HPSE2: variants seen among roughly 807,000 people sequenced by gnomAD.
HPSE2 encodes inactive heparanase-2.
In HPSE2, 38 loss-of-function variants were observed where a neutral mutation model predicts 60.5. The observed-to-expected ratio is 0.63, with a 90% confidence interval of 0.48 to 0.82. The LOEUF (loss-of-function observed/expected upper bound fraction) is 0.82, where lower values mean the gene tolerates loss of function less well. Among genes scored for constraint, HPSE2 ranks in the 40% least tolerant of loss-of-function variants. HPSE2 has a pLI of 0.00. For synonymous variants in HPSE2, 295 were observed against 293.2 expected (o/e 1.01, Z -0.06); for missense variants, 713 against 740.4 (o/e 0.96, Z 0.43).
chr10:99,310,292 G>A, the HPSE2 span, among the ~76,000 whole-genome samples: 1 of 152,076 alleles, frequency 6.6e-6, no homozygotes, highest in African/African-American at 2.4e-5. Context: ...ACATATCTTT[G>A]GGAGCCATTA....
rs547118777 is a variant in HPSE2, at chr10:99,130,097, A to C, written c.610+14141T>G. On this transcript the variant is annotated intron_variant, in intron 3 of 11. Coordinates refer to ENST00000370552, the MANE Select transcript of HPSE2 (RefSeq NM_021828.5). ...AAATCAGAAAGAAACAGAAACTCTA[A>C]ACAGACCAATAACAAGTAGTGAGAT... Among the ~76,000 whole-genome samples the C allele has an allele frequency of 2.0e-5, 3 of 152,262 alleles. No individual in the cohort carries two copies. In the East Asian group the frequency reaches 5.8e-4, roughly 29 times the overall value.
intron 3 of HPSE2, among the ~76,000 whole-genome samples, chr10:98,909,129 T>C (rs369688951): frequency 1.1e-4 from 16 of 152,282 alleles, no homozygotes; most frequent in African/African-American, 3.6e-4. Context: ...TTCCTGACGC[T>C]TGAAAGACAG....
At chr10:99,252,070 A>C in the HPSE2 span, among the ~76,000 whole-genome samples, 3 of 151,992 alleles carry the variant, frequency 2.0e-5, no homozygotes, top group African/African-American at 7.3e-5. Flanking sequence ...CAAAAAACAT[A>C]TGATCATCTC....
chr10:98,530,923 G>A lies in HPSE2; in HGVS notation c.1321-40727C>T, dbSNP rs74156630. Among the ~76,000 whole-genome samples the A allele has an allele frequency of 7.4e-3, 1,129 of 152,268 alleles. 16 individuals are homozygous for A. The highest frequency in any genetic ancestry group is 0.022 in the African/African-American group (924 of 41,562). On this transcript the variant is annotated intron_variant, in intron 9 of 11. Coordinates refer to ENST00000370552, the MANE Select transcript of HPSE2 (RefSeq NM_021828.5). ...AAGAGGTCTGGACCCTGTGAAGAAG[G>A]CCCTGAAAGTCAGTCAGTCATTTCT...
chr10:98,739,691 CAT>C (rs1949447849), intron 4 of HPSE2, among the ~76,000 whole-genome samples: 1 of 152,056 alleles, frequency 6.6e-6, no homozygotes, highest in Admixed American at 6.6e-5. Context: ...AAAAGAATAA[CAT>C]GTGAATGTAT....
intron 3 of HPSE2, among the ~76,000 whole-genome samples, chr10:98,802,373 GGTTA>G (rs1208897386): frequency 6.6e-6 from 1 of 150,686 alleles, no homozygotes; most frequent in East Asian, 1.9e-4. Context: ...ACAATGTGCA[GGTTA>G]GTTACATATG....
intron 3 of HPSE2, among the ~76,000 whole-genome samples, chr10:99,040,475 ACTTTGT>A (rs1380183295): frequency 6.6e-6 from 1 of 152,128 alleles, no homozygotes; most frequent in Non-Finnish European, 1.5e-5. Flanking sequence ...GTTCACCAAC[ACTTTGT>A]CTTCTATATT....
chr10:98,619,877 T>A (rs192138159), intron 8 of HPSE2, among the ~76,000 whole-genome samples: 1 of 152,214 alleles, frequency 6.6e-6, no homozygotes, highest in East Asian at 1.9e-4. Flanking sequence ...AGACAGACCA[T>A]GTGAGGAAGA....
In HPSE2 at chr10:98,482,716, G is replaced by C; in HGVS notation, c.1533C>G (p.Ile511Met). Reference protein sequence around the residue: ...IINLHRSRKKIKLAGTLRDKL... With the variant: ...IINLHRSRKKMKLAGTLRDKL... ...TGTCTCTGAGAGTCCCAGCCAGCTT[G>C]ATTTTCTTTCTTGATCGATGCAAGT... The change falls in exon 11 of 12, where the codon ATC becomes ATG. Residue 511 changes from isoleucine to methionine, a missense_variant. By Grantham distance (10) the Ile-to-Met change is conservative (BLOSUM62 1). Transcript: ENST00000370552. 1 of 1,614,168 alleles carries C rather than the reference G, an allele frequency of 6.2e-7. No individual in the cohort carries two copies. Among genetic ancestry groups the C allele is most frequent in the South Asian group, 1.1e-5 (1 of 91,078 alleles).
intron 9 of HPSE2, among the ~76,000 whole-genome samples, chr10:98,501,675 A>C (rs1488283475): frequency 6.6e-6 from 1 of 152,190 alleles, no homozygotes; most frequent in East Asian, 1.9e-4. Flanking sequence ...CTCCTCTTCA[A>C]CATAGTATTG....
At chr10:98,705,211 T>G (rs1400526093) in intron 5 of HPSE2, among the ~76,000 whole-genome samples, 1 of 152,174 alleles carries the variant, frequency 6.6e-6, no homozygotes, top group African/African-American at 2.4e-5. Flanking sequence ...TGAGATACCA[T>G]CTCACATCAG....
chr10:99,184,815 TATATAGAG>T (rs1285069761), intron 2 of HPSE2, among the ~76,000 whole-genome samples: 184 of 28,580 alleles, frequency 6.4e-3, no homozygotes, highest in African/African-American at 0.016. Flanking sequence ...TATATATATA[TATATAGAG>T]AGAGAGAGAG....
intron 3 of HPSE2, among the ~76,000 whole-genome samples, chr10:98,941,603 T>A (rs1009634896): frequency 7.1e-6 from 1 of 139,918 alleles, no homozygotes; most frequent in African/African-American, 3.0e-5. Flanking sequence ...TGGAAGAACA[T>A]TCCATGCTCA....
chr10:99,289,083 G>A, the HPSE2 span, among the ~76,000 whole-genome samples: 2 of 152,088 alleles, frequency 1.3e-5, no homozygotes, highest in African/African-American at 4.8e-5. Context: ...GTCCCTGTAA[G>A]AAGTGACAAA....
At chr10:98,736,704 T>G (rs1410677936) in intron 4 of HPSE2, among the ~76,000 whole-genome samples, 1 of 152,208 alleles carries the variant, frequency 6.6e-6, no homozygotes, top group African/African-American at 2.4e-5. Context: ...TATAAGAGTT[T>G]AATAGTTTAA....
At position 99,195,973 on chromosome 10, in the gene HPSE2, G is replaced by C. The variant is rs958134758; in HGVS notation, c.448+36375C>G. On this transcript the variant is annotated intron_variant, in intron 2 of 11. Coordinates refer to ENST00000370552, the MANE Select transcript of HPSE2 (RefSeq NM_021828.5). ...CTTCATATTATACTGCAGAGGTATAGTAACCAAAACAGCATGGTAGTGGCA... is the reference window on the plus strand; with the variant it reads ...CTTCATATTATACTGCAGAGGTATACTAACCAAAACAGCATGGTAGTGGCA... 2.0e-5 allele frequency among the ~76,000 whole-genome samples: 3 copies of C among 152,192 alleles called. No individual in the cohort carries two copies. The East Asian group carries it at 5.8e-4, about 29-fold the overall frequency.
chr10:99,192,603 A>AT (rs71009730), intron 2 of HPSE2, among the ~76,000 whole-genome samples: 77,650 of 150,650 alleles, frequency 0.52, 22,815 homozygotes, highest in East Asian at 0.65. Flanking sequence ...TATCTGGCTA[A>AT]TTTTTTTTTT....
intron 2 of HPSE2, among the ~76,000 whole-genome samples, chr10:99,162,198 T>A (rs1846872446): frequency 6.6e-6 from 1 of 152,178 alleles, no homozygotes; most frequent in South Asian, 2.1e-4. Flanking sequence ...TTCTGTTCTG[T>A]GTATTTAACC....
intron 3 of HPSE2, among the ~76,000 whole-genome samples, chr10:99,142,914 T>C (rs1845911764): frequency 6.6e-6 from 1 of 151,940 alleles, no homozygotes; most frequent in Admixed American, 6.6e-5. Context: ...GGAATAAAAA[T>C]ATTTCATTTC....
Sources: gnomAD v4.1 joint callset for allele counts (sites outside exome capture counted in the v4.1 genomes callset) on GRCh38, gnomAD v4.1.1 for gene constraint, MANE v1.5 for transcripts, NCBI Gene and HGNC (gene_info 2026-07-23, HGNC 2026-07-21) for gene names.